Variants in BCL11A observed in about 807,000 individuals in gnomAD.
BCL11A encodes B cell CLL/lymphoma 11A.
In BCL11A, 2 loss-of-function variants were observed where a neutral mutation model predicts 55.9. That is an observed-to-expected ratio of 0.04 (90% CI 0.01 to 0.11). The LOEUF (loss-of-function observed/expected upper bound fraction) is 0.11. BCL11A is among the 10% of genes least tolerant of loss of function. The probability of loss-of-function intolerance (pLI) is 1.00; values close to 1 mark genes in which losing one functional copy is unlikely to be tolerated. For missense variants in BCL11A, 817 were observed against 1,137.1 expected, an observed-to-expected ratio of 0.72 and a Z score of 4.05; for synonymous variants, 465 against 473.4, an observed-to-expected ratio of 0.98 and a Z score of 0.23.
chr2:60,512,863 T>C lies in BCL11A; in HGVS notation c.385+33108A>G, dbSNP rs1303471847. On this transcript the variant is annotated intron_variant, in intron 2 of 3. Transcript: ENST00000642384. The stretch of plus-strand genomic sequence containing the variant: ...GTTTTACTACAATACACACCTAAAG[T>C]AAATGAATAAACCCAACCACTTTGC... Among the ~76,000 whole-genome samples the C allele has an allele frequency of 2.0e-5, 3 of 152,166 alleles. No individual in the cohort carries two copies. The East Asian group carries it at 5.8e-4, about 29-fold the overall frequency.
Position 60,460,074 on chromosome 2 carries a change from TA to T in BCL11A, c.*329del, listed in dbSNP as rs1234333743. 2.1e-5 allele frequency: 23 copies of T among 1,095,576 alleles called. 1 individual carries two copies. Among genetic ancestry groups the T allele is most frequent in the Non-Finnish European group, 2.4e-5 (22 of 902,836 alleles). The allele number at this position is 1,095,576 out of a possible 1,614,324, so 67.9% of individuals were successfully genotyped here. On this transcript the variant is annotated 3_prime_UTR_variant, in exon 4 of 4. Coordinates refer to ENST00000642384, the MANE Select transcript of BCL11A (RefSeq NM_022893.4). ...TTTAAAAAAAAACATACACAACATG[TA>T]AATTATTGCACAAGAGAAAGGCTCA...
chr2:60,544,148 G>A (rs904016431), intron 2 of BCL11A: 1 of 152,206 alleles, frequency 6.6e-6, no homozygotes, highest in Non-Finnish European at 1.5e-5. Context: ...AGTAAGAAGT[G>A]TGGTTTTAAT....
rs1553353022 is a variant in BCL11A, at chr2:60,546,163, C to G, written c.193G>C (p.Glu65Gln). ...FPLGDILIFI[E>Q]HKRKQCNGSL... ...CCATTGCATTGTTTCCGTTTGTGCTCGATAAAAATAAGAATGTCCCCCAAT... is the reference window on the plus strand; with the variant it reads ...CCATTGCATTGTTTCCGTTTGTGCTGGATAAAAATAAGAATGTCCCCCAAT... The change falls in exon 2 of 4, where the codon GAG (glutamate) becomes CAG (glutamine). Residue 65 changes from glutamate to glutamine, a missense_variant. Physicochemically the swap from Glu to Gln is conservative, Grantham distance 29 (BLOSUM62 2). Transcript: ENST00000642384. The surrounding 1 kb of genome is among the most constrained non-coding windows in gnomAD (Gnocchi z 4.1). 10 of 1,614,126 alleles carry G rather than the reference C, an allele frequency of 6.2e-6. No individual in the cohort carries two copies. The highest frequency in any genetic ancestry group is 8.5e-6 in the Non-Finnish European group (10 of 1,180,018).
chr2:60,500,310 G>A (rs1235341408), intron 2 of BCL11A, among the ~76,000 whole-genome samples: 1 of 152,204 alleles, frequency 6.6e-6, no homozygotes. Flanking sequence ...GGTAGGGATA[G>A]GGCAGGTGAG....
At chr2:60,479,413 C>T (rs1677822388) in intron 2 of BCL11A, among the ~76,000 whole-genome samples, 1 of 152,240 alleles carries the variant, frequency 6.6e-6, no homozygotes, top group Admixed American at 6.5e-5. Flanking sequence ...CAGTCCCAAC[C>T]ATGAGGCTGA....
At position 60,460,014 on chromosome 2, in the gene BCL11A, A is replaced by G. The variant is rs1393523411; in HGVS notation, c.*390T>C. 9.3e-7 allele frequency: 1 copy of G among 1,073,108 alleles called. No homozygotes were observed. The highest frequency in any genetic ancestry group is 5.2e-5 in the Admixed American group (1 of 19,358). The allele number at this position is 1,073,108 out of a possible 1,614,324, so 66.5% of individuals were successfully genotyped here. On this transcript the variant is annotated 3_prime_UTR_variant, in exon 4 of 4. Coordinates refer to ENST00000642384, the MANE Select transcript of BCL11A (RefSeq NM_022893.4). ...CTCAGCAACGAATTAGGGACAATTT[A>G]AAATAGCCATAACATACCATACATG...
chr2:60,494,937 G>T (rs1466291841), intron 2 of BCL11A, among the ~76,000 whole-genome samples: 3 of 152,278 alleles, frequency 2.0e-5, no homozygotes, highest in African/African-American at 7.2e-5. Context: ...TGGGAACACA[G>T]ATCCTAACAC....
chr2:60,459,393 A>C lies in BCL11A; in HGVS notation c.*1011T>G. The C allele has an allele frequency of 9.8e-7, 1 of 1,020,854 alleles. No individual in the cohort carries two copies. The highest frequency in any genetic ancestry group is 1.2e-6 in the Non-Finnish European group (1 of 850,564). The allele number at this position is 1,020,854 out of a possible 1,614,324, so 63.2% of individuals were successfully genotyped here. A position where few individuals can be genotyped will look rare whatever the true frequency, so the allele number is the denominator to read the frequency against. ...ATTCAATTTAATCATTGTTTAAAAA[A>C]AATAAAACTTTGGGCAAAACAGCCC... On this transcript the variant is annotated 3_prime_UTR_variant, in exon 4 of 4. Coordinates refer to ENST00000642384, the MANE Select transcript of BCL11A (RefSeq NM_022893.4).
chr2:60,492,247 G>A (rs1337858758), intron 2 of BCL11A, among the ~76,000 whole-genome samples: 1 of 152,072 alleles, frequency 6.6e-6, no homozygotes. Context: ...TGCACCTGTC[G>A]TCCCAGCTAC....
intron 2 of BCL11A, among the ~76,000 whole-genome samples, chr2:60,520,572 G>C (rs754101819): frequency 1.3e-5 from 2 of 152,182 alleles, no homozygotes; most frequent in African/African-American, 4.8e-5. Flanking sequence ...AGAGTTTTCT[G>C]AGGAAAATTA....
intron 2 of BCL11A, among the ~76,000 whole-genome samples, chr2:60,473,531 C>A (rs981228442): frequency 3.3e-5 from 5 of 152,160 alleles, no homozygotes; most frequent in African/African-American, 1.2e-4. Context: ...CTGAAGGAAC[C>A]CATTCCAGTT....
At position 60,458,055 on chromosome 2, in the gene BCL11A, A is replaced by T; in HGVS notation, c.*2349T>A. On this transcript the variant is annotated 3_prime_UTR_variant, in exon 4 of 4. Coordinates refer to ENST00000642384, the MANE Select transcript of BCL11A (RefSeq NM_022893.4). ...TGTCTTTTTTTTTTCCACTACCAAA[A>T]AAGGTACATTGATACCTTTTAAGAG... 9.6e-7 allele frequency: 1 copy of T among 1,036,296 alleles called. No individual in the cohort carries two copies. Among genetic ancestry groups the T allele is most frequent in the Non-Finnish European group, 1.2e-6 (1 of 860,538 alleles). The allele number at this position is 1,036,296 out of a possible 1,614,324, so 64.2% of individuals were successfully genotyped here. A position where few individuals can be genotyped will look rare whatever the true frequency, so the allele number is the denominator to read the frequency against.
intron 2 of BCL11A, among the ~76,000 whole-genome samples, chr2:60,482,234 T>C (rs1000216826): frequency 5.9e-5 from 9 of 151,490 alleles, no homozygotes; most frequent in Non-Finnish European, 1.3e-4. Context: ...TCTTCCTCCA[T>C]TAAAAAAAAA....
At chr2:60,495,450 C>T (rs1012915605) in intron 2 of BCL11A, among the ~76,000 whole-genome samples, 4 of 152,216 alleles carry the variant, frequency 2.6e-5, no homozygotes, top group Non-Finnish European at 5.9e-5. Flanking sequence ...AGCCCTGTAT[C>T]GCTTTTCAGC....
chr2:60,548,479 G>A (rs1670252190), intron 1 of BCL11A, among the ~76,000 whole-genome samples: 1 of 152,144 alleles, frequency 6.6e-6, no homozygotes, highest in South Asian at 2.1e-4. Flanking sequence ...TAAATGTAGT[G>A]ACTGAACTGA....
At chr2:60,480,055 C>T (rs1207464529) in intron 2 of BCL11A, among the ~76,000 whole-genome samples, 2 of 152,296 alleles carry the variant, frequency 1.3e-5, no homozygotes, top group Non-Finnish European at 2.9e-5. Flanking sequence ...GCGGCTCCTC[C>T]GGTGTGGAGC....
At chr2:60,485,609 C>T (rs1220637797) in intron 2 of BCL11A, among the ~76,000 whole-genome samples, 1 of 152,226 alleles carries the variant, frequency 6.6e-6, no homozygotes, top group Admixed American at 6.5e-5. Flanking sequence ...CTCCATCCAA[C>T]GTCACGAAGC....
chr2:60,469,788 TCTAGCTAACTAA>T (rs1677097740), intron 2 of BCL11A, among the ~76,000 whole-genome samples: 1 of 152,220 alleles, frequency 6.6e-6, no homozygotes, highest in Admixed American at 6.5e-5. Flanking sequence ...CAAGTCCTCC[TCTAGCTAACTAA>T]CCATGTAGCT....
intron 1 of BCL11A, among the ~76,000 whole-genome samples, chr2:60,550,673 C>T (rs1182787132): frequency 1.3e-5 from 2 of 152,152 alleles, no homozygotes; most frequent in Admixed American, 6.5e-5. Context: ...GGCCCTTTAA[C>T]CCCGGGACAG....
Sources: allele counts gnomAD v4.1 joint callset (sites outside exome capture counted in the v4.1 genomes callset), GRCh38; gene constraint gnomAD v4.1.1; non-coding constraint Gnocchi (gnomAD v3.1); transcripts MANE v1.5; gene names NCBI Gene and HGNC (gene_info 2026-07-23, HGNC 2026-07-21).